Variants in RALA observed in about 807,000 individuals in gnomAD.
The protein encoded by RALA is ras-related protein Ral-A.
Under a neutral mutation model 24.0 loss-of-function variants are expected in RALA, and 5 were observed. The observed-to-expected ratio is 0.21, with a 90% CI of 0.11 to 0.44. The LOEUF (loss-of-function observed/expected upper bound fraction) is 0.44, where lower values mean the gene tolerates loss of function less well. RALA is among the 20% of genes least tolerant of loss of function. RALA has a pLI of 0.99. For missense variants in RALA, 95 were observed against 241.2 expected, an observed-to-expected ratio of 0.39 and a Z score of 4.01; for synonymous variants, 77 against 83.8, an observed-to-expected ratio of 0.92 and a Z score of 0.44.
At chr7:39,644,215 T>A (rs1005063828) in intron 1 of RALA, among the ~76,000 whole-genome samples, 3 of 151,796 alleles carry the variant, frequency 2.0e-5, no homozygotes, top group African/African-American at 4.9e-5. Context: ...TTTTTTTTTT[T>A]AATTTGTATG....
At chr7:39,658,476 A>G (rs953950150) in intron 1 of RALA, among the ~76,000 whole-genome samples, 10 of 151,512 alleles carry the variant, frequency 6.6e-5, no homozygotes, top group Admixed American at 1.3e-4. Context: ...TTTTGTATGT[A>G]TATATATATA....
chr7:39,648,665 T>A (rs1791970074), intron 1 of RALA, among the ~76,000 whole-genome samples: 1 of 152,178 alleles, frequency 6.6e-6, no homozygotes, highest in Non-Finnish European at 1.5e-5. Context: ...AAGGCTTTTA[T>A]TCCCAGTGAT....
intron 1 of RALA, among the ~76,000 whole-genome samples, chr7:39,638,727 T>C (rs560028688): frequency 6.6e-6 from 1 of 152,390 alleles, no homozygotes; most frequent in Non-Finnish European, 1.5e-5. Context: ...ATAATAGGCA[T>C]GAGCCACTGT....
intron 1 of RALA, among the ~76,000 whole-genome samples, chr7:39,672,228 GACAAA>G (rs1792402697): frequency 2.0e-5 from 3 of 152,100 alleles, no homozygotes; most frequent in Non-Finnish European, 2.9e-5. Flanking sequence ...TCACTTAAAA[GACAAA>G]ACAAAAGTTT....
intron 4 of RALA, among the ~76,000 whole-genome samples, chr7:39,705,746 T>C (rs1793110923): frequency 6.6e-6 from 1 of 151,538 alleles, no homozygotes; most frequent in African/African-American, 2.4e-5. Context: ...CATATATTAT[T>C]AAATATAAAT....
chr7:39,642,821 A>C (rs1256574367), intron 1 of RALA, among the ~76,000 whole-genome samples: 1 of 152,238 alleles, frequency 6.6e-6, no homozygotes, highest in Non-Finnish European at 1.5e-5. Context: ...TTCATTTTAC[A>C]TATACCTTTA....
At chr7:39,667,892 A>G (rs1022899717) in intron 1 of RALA, among the ~76,000 whole-genome samples, 2 of 152,240 alleles carry the variant, frequency 1.3e-5, no homozygotes, top group Non-Finnish European at 2.9e-5. Context: ...GAAACTTTAA[A>G]TACCCAGTGA....
At chr7:39,674,041 G>GTAAAAAAATAAATAAA (rs751747445) in intron 1 of RALA, among the ~76,000 whole-genome samples, 64 of 48,912 alleles carry the variant, frequency 1.3e-3, no homozygotes, top group African/African-American at 3.5e-3. Context: ...GGCATGCACT[G>GTAAAAAAATAAATAAA]TAAATAAATA....
intron 1 of RALA, among the ~76,000 whole-genome samples, chr7:39,667,803 C>T (rs1348350122): frequency 2.6e-5 from 4 of 152,182 alleles, no homozygotes; most frequent in Admixed American, 1.3e-4. Flanking sequence ...ATGTTAACAA[C>T]CCAGGGTAAA....
chr7:39,674,267 T>G (rs969955081), intron 1 of RALA, among the ~76,000 whole-genome samples: 5 of 152,126 alleles, frequency 3.3e-5, no homozygotes, highest in African/African-American at 1.2e-4. Flanking sequence ...TAAGACAGTT[T>G]CCATGTGATT....
chr7:39,668,108 G>T (rs369828704), intron 1 of RALA, among the ~76,000 whole-genome samples: 2 of 152,154 alleles, frequency 1.3e-5, no homozygotes, highest in African/African-American at 4.8e-5. Flanking sequence ...CATAGAAAAA[G>T]TATCCACCCT....
chr7:39,638,422 A>C (rs905791836), intron 1 of RALA, among the ~76,000 whole-genome samples: 1 of 152,124 alleles, frequency 6.6e-6, no homozygotes, highest in Non-Finnish European at 1.5e-5. Flanking sequence ...TGGTTCATTA[A>C]TGTTAAGGCA....
chr7:39,704,180 A>T (rs533232216), intron 4 of RALA, among the ~76,000 whole-genome samples: 2 of 145,954 alleles, frequency 1.4e-5, no homozygotes, highest in South Asian at 2.2e-4. Flanking sequence ...AAAAAAAAAG[A>T]AGTTTAAGAT....
At chr7:39,641,125 G>C (rs989833939) in intron 1 of RALA, among the ~76,000 whole-genome samples, 3 of 152,086 alleles carry the variant, frequency 2.0e-5, no homozygotes, top group Admixed American at 1.3e-4. Flanking sequence ...GTTGTGATGG[G>C]GTAAGGAGGG....
chr7:39,640,444 T>C (rs1791792681), intron 1 of RALA, among the ~76,000 whole-genome samples: 1 of 152,254 alleles, frequency 6.6e-6, no homozygotes, highest in Non-Finnish European at 1.5e-5. Context: ...TTTGGTGAGA[T>C]GTTTAGTCAA....
At chr7:39,659,001 C>T (rs1388518987) in intron 1 of RALA, among the ~76,000 whole-genome samples, 2 of 151,970 alleles carry the variant, frequency 1.3e-5, no homozygotes, top group Admixed American at 6.6e-5. Flanking sequence ...AGATATGGAC[C>T]GGGTGTGATG....
In RALA at chr7:39,690,824, T is replaced by C. The variant is rs189714221; in HGVS notation, c.323+234T>C. Among the ~76,000 whole-genome samples the C allele has an allele frequency of 3.3e-3, 497 of 152,342 alleles. 3 individuals carry two copies. The highest frequency in any genetic ancestry group is 0.012 in the African/African-American group (485 of 41,590). ...GTGTCACCTGTATTGGAGTTTGATT[T>C]TGTGACAGCTTCAGTTACCCAGAGT... On this transcript the variant is annotated intron_variant, in intron 3 of 4. Transcript: ENST00000005257.
chr7:39,686,433 G>C (rs958506697), intron 1 of RALA, among the ~76,000 whole-genome samples, 198 bp from the exon 2 acceptor site: 1 of 152,136 alleles, frequency 6.6e-6, no homozygotes, highest in Non-Finnish European at 1.5e-5. Flanking sequence ...TGAGTCATAG[G>C]CTTGTTTTAT....
chr7:39,632,425 G>A (rs1247950963), intron 1 of RALA, among the ~76,000 whole-genome samples: 1 of 152,114 alleles, frequency 6.6e-6, no homozygotes, highest in Non-Finnish European at 1.5e-5. Context: ...TCTTCACCAT[G>A]GATATACAAA....
Sources: allele counts gnomAD v4.1 joint callset (sites outside exome capture counted in the v4.1 genomes callset), GRCh38; gene constraint gnomAD v4.1.1; transcripts MANE v1.5; gene names NCBI Gene and HGNC (gene_info 2026-07-23, HGNC 2026-07-21).